GNG7: variants seen among roughly 807,000 people sequenced by gnomAD.
GNG7 encodes guanine nucleotide-binding protein G(I)/G(S)/G(O) subunit gamma-7.
A neutral mutation model predicts 4.0 loss-of-function variants in GNG7; 1 was observed. That is an observed-to-expected ratio of 0.25 (90% CI 0.09 to 1.18). The LOEUF (loss-of-function observed/expected upper bound fraction) is 1.18. Among genes scored for constraint, GNG7 ranks in the 50% most tolerant of loss-of-function variants. The probability of loss-of-function intolerance (pLI) is 0.50; values close to 1 mark genes in which losing one functional copy is unlikely to be tolerated. For missense variants in GNG7, 86 were observed against 91.9 expected (o/e 0.94, Z 0.26); for synonymous variants, 34 against 36.9 (o/e 0.92, Z 0.29).
intron 1 of GNG7, among the ~76,000 whole-genome samples, chr19:2,695,613 G>A (rs1599466154): frequency 6.6e-6 from 1 of 151,914 alleles, no homozygotes; most frequent in South Asian, 2.1e-4. Flanking sequence ...TGGGGGTGGG[G>A]TACTTGAAGG....
chr19:2,586,464 G>A (rs898730752), intron 2 of GNG7, among the ~76,000 whole-genome samples: 9 of 152,196 alleles, frequency 5.9e-5, no homozygotes, highest in Admixed American at 1.3e-4. Flanking sequence ...GGGAGCCAGC[G>A]GGCCCAGACA....
At position 2,546,647 on chromosome 19, in the gene GNG7, C is replaced by A. The variant is rs955669997; in HGVS notation, c.-38+8502G>T. The stretch of plus-strand genomic sequence containing the variant: ...GCGGGGCAGGTCCCGCCGCTGCCTT[C>A]AGCCGGAGCTTGGAGCCTAAGAATG... On this transcript the variant is annotated intron_variant, in intron 3 of 4. Coordinates refer to ENST00000382159, the MANE Select transcript of GNG7 (RefSeq NM_052847.3). This position sits in a 1 kb window ranked among gnomAD's most constrained non-coding sequence, Gnocchi z 6.3. Among the ~76,000 whole-genome samples, 3 of 152,222 alleles carry A rather than the reference C, an allele frequency of 2.0e-5. No individual in the cohort carries two copies. Among genetic ancestry groups the A allele is most frequent in the African/African-American group, 7.2e-5 (3 of 41,458 alleles).
rs574309588 is a variant in GNG7 at position 2,511,810 on chromosome 19, G to A, written c.*3212C>T. The stretch of plus-strand genomic sequence containing the variant: ...TTTATGTCCCCAGAGGCCAGAGGTC[G>A]CAGCTGAGCTATCTGTGCTTGGCCT... On this transcript the variant is annotated 3_prime_UTR_variant, in exon 5 of 5. Transcript: ENST00000382159. The surrounding 1 kb of genome is among the most constrained non-coding windows in gnomAD (Gnocchi z 6.3). 11 of 986,284 alleles carry A rather than the reference G, an allele frequency of 1.1e-5. No individual in the cohort carries two copies. The South Asian group carries it at 2.8e-4, about 25-fold the overall frequency. The allele number at this position is 986,284 out of a possible 1,614,324, so 61.1% of individuals were successfully genotyped here.
intron 2 of GNG7, chr19:2,642,861 AG>A (rs1425412581): frequency 2.2e-6 from 1 of 456,782 alleles, no homozygotes; most frequent in Non-Finnish European, 4.4e-6. Context: ...GGGAATGCAT[AG>A]TCTGAGCCCT....
At chr19:2,687,054 T>G (rs1297106103) in intron 1 of GNG7, among the ~76,000 whole-genome samples, 1 of 146,802 alleles carries the variant, frequency 6.8e-6, no homozygotes, top group East Asian at 2.0e-4. Context: ...GCCTGGCCAC[T>G]TTTTTTCTTT....
intron 1 of GNG7, among the ~76,000 whole-genome samples, chr19:2,646,896 A>G (rs1982680747): frequency 6.6e-6 from 1 of 152,216 alleles, no homozygotes; most frequent in Non-Finnish European, 1.5e-5. Flanking sequence ...GAGGAAGAAG[A>G]AGGGGCTGAG....
intron 1 of GNG7, chr19:2,700,894 C>T (rs921424865): frequency 6.6e-6 from 1 of 152,136 alleles, no homozygotes; most frequent in African/African-American, 2.4e-5. Context: ...CTCGCTGACA[C>T]CTAGCAACCG....
At chr19:2,697,425 CG>C (rs1913293593) in intron 1 of GNG7, among the ~76,000 whole-genome samples, 1 of 152,074 alleles carries the variant, frequency 6.6e-6, no homozygotes, top group Non-Finnish European at 1.5e-5. Context: ...AGTGACCCCT[CG>C]GGGGCCGCTG....
chr19:2,691,717 A>G (rs1286849335), intron 1 of GNG7, among the ~76,000 whole-genome samples: 2 of 151,478 alleles, frequency 1.3e-5, no homozygotes, highest in African/African-American at 4.9e-5. Context: ...AAATACCAAA[A>G]TTAGCTGGGC....
intron 2 of GNG7, among the ~76,000 whole-genome samples, chr19:2,632,333 G>T (rs1982180086): frequency 6.6e-6 from 1 of 151,782 alleles, no homozygotes; most frequent in African/African-American, 2.4e-5. Context: ...GGAGGCTGAG[G>T]CAGGAGAATT....
At chr19:2,551,590 C>CAAATATATATTTATAACTATGT (rs1568240124) in intron 3 of GNG7, among the ~76,000 whole-genome samples, 1 of 122,576 alleles carries the variant, frequency 8.2e-6, no homozygotes, top group Admixed American at 8.5e-5. Flanking sequence ...TATAAATATG[C>CAAATATATATTTATAACTATGT]ATTTATAAAT....
intron 2 of GNG7, among the ~76,000 whole-genome samples, chr19:2,613,869 A>G (rs1383582350): frequency 6.6e-6 from 1 of 152,206 alleles, no homozygotes; most frequent in Non-Finnish European, 1.5e-5. Flanking sequence ...GGGGAAGATC[A>G]AGGGACCCTG....
intron 2 of GNG7, among the ~76,000 whole-genome samples, chr19:2,616,340 G>A (rs1447889333): frequency 1.3e-5 from 2 of 152,066 alleles, no homozygotes; most frequent in Non-Finnish European, 1.5e-5. Flanking sequence ...TGCCTCCCGT[G>A]TTCCAGCGAT....
chr19:2,555,925 G>A lies in GNG7; in HGVS notation c.-77-737C>T, dbSNP rs8100940. On this transcript the variant is annotated intron_variant, in intron 2 of 4. Transcript: ENST00000382159. ...GGATCGCGAGGGGGGGCCCACGGCC[G>A]TCTCCAATGCACAGTGCACGGATCG... is the stretch of plus-strand genomic sequence containing the variant. 5.6e-3 allele frequency among the ~76,000 whole-genome samples: 856 copies of A among 151,986 alleles called. 7 individuals carry two copies. Among genetic ancestry groups the A allele is most frequent in the African/African-American group, 0.02 (807 of 41,370 alleles).
At chr19:2,556,714 C>T (rs992237424) in intron 2 of GNG7, among the ~76,000 whole-genome samples, 2 of 152,138 alleles carry the variant, frequency 1.3e-5, no homozygotes, top group African/African-American at 4.8e-5. Context: ...GTCTCAGCTG[C>T]AGGAAGGCGG....
chr19:2,680,052 C>T (rs1028639176), intron 1 of GNG7, among the ~76,000 whole-genome samples: 2 of 152,144 alleles, frequency 1.3e-5, no homozygotes, highest in East Asian at 1.9e-4. Context: ...GCAGCTCACG[C>T]CTGTAACCCC....
At chr19:2,647,747 G>A (rs1330336420) in intron 1 of GNG7, among the ~76,000 whole-genome samples, 1 of 151,876 alleles carries the variant, frequency 6.6e-6, no homozygotes, top group African/African-American at 2.4e-5. Context: ...GCCACATGGG[G>A]CCAGGCACGG....
Position 2,587,205 on chromosome 19 carries a change from G to T in GNG7, c.-77-32017C>A, listed in dbSNP as rs373298424. ...CGGCAAGAAGACACCAGGAGGAAGT[G>T]ACCTGCACACAATCACCAGATCGTC... On this transcript the variant is annotated intron_variant, in intron 2 of 4. Coordinates refer to ENST00000382159, the MANE Select transcript of GNG7 (RefSeq NM_052847.3). Among the ~76,000 whole-genome samples the T allele has an allele frequency of 2.0e-5, 3 of 152,094 alleles. No homozygotes were observed. In the East Asian group the frequency reaches 5.8e-4, roughly 29 times the overall value.
At chr19:2,642,806 T>C in intron 2 of GNG7, 1 of 456,778 alleles carries the variant, frequency 2.2e-6, no homozygotes, top group South Asian at 1.5e-5. Flanking sequence ...AACTGAATGT[T>C]TGAAGAAGCC....
Sources: allele counts gnomAD v4.1 joint callset (sites outside exome capture counted in the v4.1 genomes callset), GRCh38; gene constraint gnomAD v4.1.1; non-coding constraint Gnocchi (gnomAD v3.1); transcripts MANE v1.5; gene names NCBI Gene and HGNC (gene_info 2026-07-23, HGNC 2026-07-21).